RAD54L2: variants seen among roughly 807,000 people sequenced by gnomAD.
RAD54L2 encodes the protein helicase ARIP4.
In RAD54L2, 27 loss-of-function variants were observed where a neutral mutation model predicts 138.4. The ratio of observed to expected loss-of-function variants is 0.20; its 90% CI spans 0.14 to 0.27. RAD54L2 has a LOEUF of 0.27. Among genes scored for constraint, RAD54L2 ranks in the 10% least tolerant of loss-of-function variants. The pLI is 1.00. For missense variants in RAD54L2, 1,396 were observed against 1,890.2 expected (o/e 0.74, Z 4.85); for synonymous variants, 644 against 723.2 (o/e 0.89, Z 1.76).
At chr3:51,661,815 G>A (rs752725158) in intron 22 of RAD54L2, among the ~76,000 whole-genome samples, 1 of 151,958 alleles carries the variant, frequency 6.6e-6, no homozygotes, top group Non-Finnish European at 1.5e-5. Context: ...TGAGTCATTC[G>A]TAAGTCGAAG....
chr3:51,623,017 C>T (rs929225761), intron 3 of RAD54L2, among the ~76,000 whole-genome samples: 2 of 152,232 alleles, frequency 1.3e-5, no homozygotes, highest in African/African-American at 4.8e-5. Flanking sequence ...TTCCATATAG[C>T]ATATGTGTTT....
chr3:51,622,638 C>T (rs909886711), intron 3 of RAD54L2, among the ~76,000 whole-genome samples: 1 of 152,188 alleles, frequency 6.6e-6, no homozygotes, highest in Non-Finnish European at 1.5e-5. Flanking sequence ...TCCACTTTTA[C>T]AGTAATCACA....
chr3:51,539,233 C>T (rs1219569460), intron 1 of RAD54L2, among the ~76,000 whole-genome samples: 25 of 152,256 alleles, frequency 1.6e-4, no homozygotes, highest in African/African-American at 6.0e-4. Flanking sequence ...TGGATGCTGG[C>T]GCCCCGGAGG....
chr3:51,565,504 C>T (rs546955739), intron 2 of RAD54L2, among the ~76,000 whole-genome samples: 1 of 152,294 alleles, frequency 6.6e-6, no homozygotes, highest in East Asian at 1.9e-4. Flanking sequence ...GAGATGGCGT[C>T]TTACTCTGTC....
intron 2 of RAD54L2, among the ~76,000 whole-genome samples, chr3:51,586,318 G>GT (rs1401466291): frequency 6.6e-6 from 1 of 151,970 alleles, no homozygotes; most frequent in Non-Finnish European, 1.5e-5. Context: ...GGGCATCGCT[G>GT]TGTTGCCCAG....
intron 3 of RAD54L2, among the ~76,000 whole-genome samples, chr3:51,590,988 A>C (rs1577408080): frequency 2.0e-5 from 3 of 152,174 alleles, no homozygotes; most frequent in Admixed American, 6.5e-5. Context: ...TTGTGTGTAC[A>C]TGAGGGAATT....
At chr3:51,633,429 GGTA>G in intron 7 of RAD54L2, 145 bp from the exon 8 acceptor site, 1 of 749,572 alleles carries the variant, frequency 1.3e-6, no homozygotes, top group Admixed American at 2.8e-5. Context: ...GATCAGTCAA[GGTA>G]CAGGGAATCT....
intron 3 of RAD54L2, among the ~76,000 whole-genome samples, chr3:51,624,766 T>G (rs572006730): frequency 4.6e-5 from 7 of 152,348 alleles, no homozygotes; most frequent in African/African-American, 1.7e-4. Flanking sequence ...AGTTTTGAAC[T>G]TCATGCTGTT....
At chr3:51,639,374 A>G in intron 12 of RAD54L2, 45 bp from the exon 13 acceptor site, 1 of 1,604,386 alleles carries the variant, frequency 6.2e-7, no homozygotes. Context: ...ACACCCTTGG[A>G]ATGTTTTTTG....
Position 51,542,602 on chromosome 3 carries a change from T to C in RAD54L2, c.-55+952T>C, listed in dbSNP as rs551869766. Among the ~76,000 whole-genome samples the C allele has an allele frequency of 2.2e-4, 33 of 152,244 alleles. No individual in the cohort carries two copies. In the East Asian group the frequency reaches 5.6e-3, roughly 26 times the overall value. ...TACAGGCCTCCCGAGTAGCTGGGAC[T>C]ACAGGCGCCTGCCACCACACCCGGC... On this transcript the variant is annotated intron_variant, in intron 2 of 22. Transcript: ENST00000684192.
At chr3:51,583,010 C>T (rs1188421204) in intron 2 of RAD54L2, among the ~76,000 whole-genome samples, 1 of 152,146 alleles carries the variant, frequency 6.6e-6, no homozygotes, top group Non-Finnish European at 1.5e-5. Context: ...CGTGATCTGC[C>T]CACCTTGGCC....
chr3:51,589,138 G>T (rs374837446), intron 2 of RAD54L2, among the ~76,000 whole-genome samples: 2 of 152,142 alleles, frequency 1.3e-5, no homozygotes, highest in Admixed American at 6.6e-5. Flanking sequence ...TAAATGCATC[G>T]TAAGTTGAAA....
intron 3 of RAD54L2, among the ~76,000 whole-genome samples, chr3:51,616,827 CAAAAGAAAAG>C (rs542313846): frequency 7.9e-5 from 12 of 151,654 alleles, no homozygotes; most frequent in South Asian, 4.2e-4. Flanking sequence ...GACTCTGTCT[CAAAAGAAAAG>C]AAAAGAAAAG....
At chr3:51,576,837 G>T (rs995247207) in intron 2 of RAD54L2, among the ~76,000 whole-genome samples, 1 of 151,786 alleles carries the variant, frequency 6.6e-6, no homozygotes. Context: ...GGTTTTTTGT[G>T]TCTCTATTTC....
chr3:51,633,985 A>G lies in RAD54L2; in HGVS notation c.1092A>G (p.Glu364=). Residue 364 remains glutamate, a synonymous_variant, in exon 9 of 23, where the codon GAA becomes GAG. Transcript: ENST00000684192. ...PEALPADNKP[E]EVQPRFFKVH... is the part of the protein sequence containing the mutation. ...CCCTCCCGGCTGACAACAAGCCTGA[A>G]GAAGTCCAGCCTCGGTTCTTTAAAG... 6.2e-7 allele frequency: 1 copy of G among 1,613,968 alleles called. No homozygotes were observed. Among genetic ancestry groups the G allele is most frequent in the Non-Finnish European group, 8.5e-7 (1 of 1,179,892 alleles).
intron 2 of RAD54L2, among the ~76,000 whole-genome samples, chr3:51,579,595 T>C (rs1699562170): frequency 6.6e-6 from 1 of 152,178 alleles, no homozygotes; most frequent in Non-Finnish European, 1.5e-5. Flanking sequence ...CCTTTGTGAA[T>C]TGAGGGGGTG....
intron 2 of RAD54L2, among the ~76,000 whole-genome samples, chr3:51,570,519 C>T (rs937503394): frequency 1.3e-4 from 19 of 151,834 alleles, no homozygotes; most frequent in Admixed American, 2.6e-4. Flanking sequence ...TGCAGTGGCG[C>T]GATCTCGGCT....
At chr3:51,660,592 T>C (rs1025593332) in intron 22 of RAD54L2, among the ~76,000 whole-genome samples, 3 of 151,246 alleles carry the variant, frequency 2.0e-5, no homozygotes, top group African/African-American at 7.3e-5. Context: ...ATTACAGGCA[T>C]GAGCCACCGC....
At chr3:51,601,768 A>T (rs753678322) in intron 3 of RAD54L2, among the ~76,000 whole-genome samples, 1 of 151,370 alleles carries the variant, frequency 6.6e-6, no homozygotes, top group Non-Finnish European at 1.5e-5. Context: ...GTATGTTTGA[A>T]TAGCTCATTC....
Sources: allele counts gnomAD v4.1 joint callset (sites outside exome capture counted in the v4.1 genomes callset), GRCh38; gene constraint gnomAD v4.1.1; transcripts MANE v1.5; gene names NCBI Gene and HGNC (gene_info 2026-07-23, HGNC 2026-07-21).